SUN1: variants seen among roughly 807,000 people sequenced by gnomAD.
SUN1 encodes the protein Sad1 and UNC84 domain containing 1.
A neutral mutation model predicts 103.2 loss-of-function variants in SUN1; 61 were observed. That is an observed-to-expected ratio of 0.59 (90% CI 0.48 to 0.73). The LOEUF (loss-of-function observed/expected upper bound fraction) is 0.73, where lower values mean the gene tolerates loss of function less well. Among genes scored for constraint, SUN1 ranks in the 30% least tolerant of loss-of-function variants. The pLI is 0.00. For synonymous variants in SUN1, 490 were observed against 425.7 expected, an observed-to-expected ratio of 1.15 and a Z score of -1.86; for missense variants, 1,052 against 1,034.6, an observed-to-expected ratio of 1.02 and a Z score of -0.23.
At position 852,926 on chromosome 7, in the gene SUN1, A is replaced by T; in HGVS notation, c.1027A>T (p.Thr343Ser). ...DDPQDVFKPT[T>S]SRLKQPLQGD... is the part of the protein sequence containing the mutation. The stretch of plus-strand genomic sequence containing the variant: ...CCCCCAGGACGTGTTTAAACCCACG[A>T]CTTCTCGCCTGAAGCAGCCTCTGCA... Residue 343 changes from threonine to serine, a missense_variant, in exon 9 of 19, where the codon ACT becomes TCT. Transcript: ENST00000401592. 6.2e-7 allele frequency: 1 copy of T among 1,613,586 alleles called. No homozygotes were observed. The highest frequency in any genetic ancestry group is 8.5e-7 in the Non-Finnish European group (1 of 1,179,858).
upstream of SUN1, among the ~76,000 whole-genome samples, chr7:829,560 GT>G (rs1200395457): frequency 2.8e-4 from 34 of 121,244 alleles, no homozygotes; most frequent in Non-Finnish European, 4.4e-4. Context: ...TTTTTTTTTT[GT>G]TTTTTTTTTT....
At chr7:834,692 C>G (rs1220977936) in intron 1 of SUN1, among the ~76,000 whole-genome samples, 3 of 152,238 alleles carry the variant, frequency 2.0e-5, no homozygotes, top group Admixed American at 6.5e-5. Flanking sequence ...GTCTCCATCA[C>G]TACCCTTGTC....
chr7:841,143 G>A (rs530355874), intron 2 of SUN1, among the ~76,000 whole-genome samples: 1 of 151,966 alleles, frequency 6.6e-6, no homozygotes, highest in South Asian at 2.1e-4. Context: ...ATGTTGGTCA[G>A]GCTGGTCTTG....
chr7:850,793 C>T (rs1447125756), intron 5 of SUN1: 1 of 133,506 alleles, frequency 7.5e-6, no homozygotes, highest in East Asian at 2.3e-4. Flanking sequence ...CAAAAAAAAA[C>T]TGGAACAAAA....
upstream of SUN1, chr7:816,117 TC>T: frequency 4.3e-6 from 1 of 234,318 alleles, no homozygotes; most frequent in South Asian, 3.5e-5. Flanking sequence ...TGCAGACCCT[TC>T]CCCCAGATGC....
At chr7:851,340 GT>G in intron 5 of SUN1, 43 bp from the exon 6 acceptor site, 2 of 1,524,442 alleles carry the variant, frequency 1.3e-6, no homozygotes, top group South Asian at 1.2e-5. Context: ...GCAGAGGCTG[GT>G]CCCTGGCGTC....
At chr7:847,399 A>G (rs1157868795) in intron 5 of SUN1, among the ~76,000 whole-genome samples, 15 of 114,480 alleles carry the variant, frequency 1.3e-4, no homozygotes, top group South Asian at 3.2e-4. Flanking sequence ...AGTCTCCGGG[A>G]TCCCCTGGGG....
chr7:816,365 C>T (rs1780474119), upstream of SUN1: 3 of 210,684 alleles, frequency 1.4e-5, no homozygotes, highest in African/African-American at 7.7e-5. Flanking sequence ...AGTCCCCCTC[C>T]TCCAGGTGCA....
intron 16 of SUN1, 147 bp downstream of exon 16, chr7:866,214 C>G: frequency 1.5e-6 from 1 of 688,486 alleles, no homozygotes; most frequent in Non-Finnish European, 2.5e-6. Flanking sequence ...CGTTCCCACA[C>G]CGAGGAGTCC....
intron 15 of SUN1, among the ~76,000 whole-genome samples, chr7:862,461 G>A (rs1183336183): frequency 6.6e-6 from 1 of 152,184 alleles, no homozygotes; most frequent in Admixed American, 6.5e-5. Context: ...AAAAATGGCT[G>A]GATTCTTCCA....
chr7:845,957 C>G (rs1258091962), intron 5 of SUN1, among the ~76,000 whole-genome samples: 1 of 152,148 alleles, frequency 6.6e-6, no homozygotes, highest in Non-Finnish European at 1.5e-5. Context: ...GTGGCTGTCC[C>G]GGGGTTCTCC....
chr7:837,080 A>C lies in SUN1; in HGVS notation c.78-1718A>C, dbSNP rs574871158. 3.3e-5 allele frequency among the ~76,000 whole-genome samples: 5 copies of C among 152,326 alleles called. 1 individual carries two copies. In the South Asian group the frequency reaches 1.0e-3, roughly 32 times the overall value. On this transcript the variant is annotated intron_variant, in intron 1 of 18. Coordinates refer to ENST00000401592, the MANE Select transcript of SUN1 (RefSeq NM_001130965.3). ...CTGCAACATGGTGAGCTTGGGAGAAAGCGTCTAGGCCCACCCTGTCCTGGC... is the reference window on the plus strand; with the variant it reads ...CTGCAACATGGTGAGCTTGGGAGAACGCGTCTAGGCCCACCCTGTCCTGGC...
intron 2 of SUN1, among the ~76,000 whole-genome samples, chr7:839,424 GC>G (rs1806837932): frequency 6.6e-6 from 1 of 152,154 alleles, no homozygotes; most frequent in South Asian, 2.1e-4. Context: ...TCGCTCTGTC[GC>G]CCAGGGTGGA....
chr7:872,023 C>T (rs935056122), intron 17 of SUN1, among the ~76,000 whole-genome samples: 8 of 152,170 alleles, frequency 5.3e-5, no homozygotes, highest in South Asian at 4.1e-4. Context: ...GGCCGGCACT[C>T]GCTCCCTTCT....
chr7:841,770 C>G (rs894067596), intron 2 of SUN1, 176 bp from the exon 3 acceptor site: 1 of 640,444 alleles, frequency 1.6e-6, no homozygotes, highest in African/African-American at 1.8e-5. Flanking sequence ...TGGATCCCAG[C>G]TCAAAAATTC....
At position 873,471 on chromosome 7, in the gene SUN1, G is replaced by A. The variant is rs939584530; in HGVS notation, c.*140G>A. 5.8e-6 allele frequency: 5 copies of A among 858,360 alleles called. No homozygotes were observed. The highest frequency in any genetic ancestry group is 3.4e-5 in the South Asian group (2 of 58,166). The allele number at this position is 858,360 out of a possible 1,614,324, so 53.2% of individuals were successfully genotyped here. A position where few individuals can be genotyped will look rare whatever the true frequency, so the allele number is the denominator to read the frequency against. ...TAAACGTGGCTGCTGGCCAGAGGAC[G>A]TGAGCGTGTGACGGGCGCCTTGGCG... is the stretch of plus-strand genomic sequence containing the variant. On this transcript the variant is annotated 3_prime_UTR_variant, in exon 19 of 19. Transcript: ENST00000401592.
chr7:817,615 G>C lies in SUN1; in HGVS notation c.-74+942G>C, dbSNP rs927915636. The C allele has an allele frequency of 7.9e-6, 10 of 1,270,876 alleles. No individual in the cohort carries two copies. In the African/African-American group the frequency reaches 1.5e-4, roughly 19 times the overall value. The allele number at this position is 1,270,876 out of a possible 1,614,324, so 78.7% of individuals were successfully genotyped here. A position where few individuals can be genotyped will look rare whatever the true frequency, so the allele number is the denominator to read the frequency against. On this transcript the variant is annotated intron_variant, in intron 1 of 17. Transcript: ENST00000389574. The stretch of plus-strand genomic sequence containing the variant: ...TTGTGTCTTCTAAGCTTCAGTCATA[G>C]TATTGCCCATGAAGTGCTTGCGGCT...
chr7:839,636 T>C (rs1369425949), intron 2 of SUN1, among the ~76,000 whole-genome samples: 1 of 87,052 alleles, frequency 1.1e-5, no homozygotes, highest in Non-Finnish European at 2.4e-5. Context: ...CACTGCAGCC[T>C]CTGCCTCCCG....
chr7:842,391 T>C, intron 3 of SUN1: 2 of 503,634 alleles, frequency 4.0e-6, no homozygotes, highest in Non-Finnish European at 7.3e-6. Flanking sequence ...CATTGGGTTA[T>C]GCTAACGTGT....
Sources: gnomAD v4.1 joint callset for allele counts (sites outside exome capture counted in the v4.1 genomes callset) on GRCh38, gnomAD v4.1.1 for gene constraint, MANE v1.5 for transcripts, NCBI Gene and HGNC (gene_info 2026-07-23, HGNC 2026-07-21) for gene names.